The following SIK3 variants were observed in gnomAD, a reference collection of about 807,000 sequenced individuals.
SIK3 encodes the protein SIK family kinase 3.
Under a neutral mutation model 144.2 loss-of-function variants are expected in SIK3, and 28 were observed. The observed-to-expected ratio is 0.19, with a 90% CI of 0.14 to 0.27. SIK3 has a LOEUF of 0.27. Ranked by LOEUF, SIK3 falls within the 10% of genes least tolerant of loss-of-function variation. The probability of loss-of-function intolerance (pLI) is 1.00; values close to 1 mark genes in which losing one functional copy is unlikely to be tolerated. For missense variants in SIK3, 1,319 were observed against 1,776.0 expected (o/e 0.74, Z 4.62); for synonymous variants, 686 against 676.3 (o/e 1.01, Z -0.22).
intron 1 of SIK3, among the ~76,000 whole-genome samples, chr11:117,035,477 C>T (rs1424701073): frequency 2.6e-5 from 4 of 152,122 alleles, no homozygotes; most frequent in Non-Finnish European, 4.4e-5. Context: ...CATTTTAAAG[C>T]TTTGGCTATC....
intron 1 of SIK3, among the ~76,000 whole-genome samples, chr11:117,013,967 C>CCTTTTTTTT (rs756680301): frequency 1.2e-3 from 9 of 7,374 alleles, no homozygotes; most frequent in Admixed American, 2.2e-3. Context: ...TTCTTTTTTT[C>CCTTTTTTTT]TTTTCTTTTT....
chr11:117,055,937 C>T (rs562583804), intron 1 of SIK3, among the ~76,000 whole-genome samples: 1 of 152,314 alleles, frequency 6.6e-6, no homozygotes, highest in African/African-American at 2.4e-5. Flanking sequence ...TGCCAGTGCC[C>T]TCCCAGCCTC....
chr11:117,067,367 A>C (rs1954068667), intron 1 of SIK3, among the ~76,000 whole-genome samples: 1 of 152,208 alleles, frequency 6.6e-6, no homozygotes, highest in Non-Finnish European at 1.5e-5. Context: ...AATAAAAAAC[A>C]ACAAACTCTG....
intron 4 of SIK3, among the ~76,000 whole-genome samples, chr11:116,910,375 G>T (rs2134943502): frequency 6.6e-6 from 1 of 151,682 alleles, no homozygotes; most frequent in African/African-American, 2.4e-5. Context: ...AGTTGACATA[G>T]TTTTAGTAAT....
At chr11:116,969,910 T>C (rs1034327834) in intron 1 of SIK3, among the ~76,000 whole-genome samples, 5 of 152,300 alleles carry the variant, frequency 3.3e-5, no homozygotes, top group Middle Eastern at 6.8e-3. Context: ...ATCTCTAAGA[T>C]ATGTTTGTGA....
intron 1 of SIK3, among the ~76,000 whole-genome samples, chr11:116,969,056 C>T (rs1202528181): frequency 2.6e-5 from 4 of 151,964 alleles, no homozygotes; most frequent in Admixed American, 6.6e-5. Context: ...TTTGGGAGGC[C>T]GAGGCGGGTG....
chr11:116,868,630 C>G (rs1943783531), intron 14 of SIK3, among the ~76,000 whole-genome samples: 2 of 152,194 alleles, frequency 1.3e-5, no homozygotes, highest in Admixed American at 1.3e-4. Context: ...CCCTTTCCCT[C>G]TCGCTTGGTG....
At chr11:116,853,719 G>A (rs1210840261) in intron 21 of SIK3, among the ~76,000 whole-genome samples, 1 of 152,276 alleles carries the variant, frequency 6.6e-6, no homozygotes, top group African/African-American at 2.4e-5. Flanking sequence ...GGCTGACTGA[G>A]CTCAGAGAAG....
In SIK3 at chr11:116,968,334, G is replaced by T. The variant is rs529415315; in HGVS notation, c.274-11270C>A. ...ATTTTTTGTATTTTTAGTAGAGATG[G>T]GGTTTCACCATGCTGGCCAGGCTGG... On this transcript the variant is annotated intron_variant, in intron 1 of 24. Transcript: ENST00000445177. Among the ~76,000 whole-genome samples, 9 of 152,178 alleles carry T rather than the reference G, an allele frequency of 5.9e-5. No individual in the cohort carries two copies. In the East Asian group the frequency reaches 1.4e-3, roughly 23 times the overall value.
chr11:116,971,378 G>A (rs867009383), intron 1 of SIK3, among the ~76,000 whole-genome samples: 1 of 152,140 alleles, frequency 6.6e-6, no homozygotes, highest in Non-Finnish European at 1.5e-5. Flanking sequence ...CAAATTTGAC[G>A]ATGTTTCCAT....
intron 3 of SIK3, among the ~76,000 whole-genome samples, chr11:116,951,056 G>C (rs1361591888): frequency 2.0e-5 from 3 of 152,216 alleles, no homozygotes; most frequent in Non-Finnish European, 4.4e-5. Flanking sequence ...CACTGTGCTA[G>C]AGCTCTATAT....
At chr11:116,951,649 T>C (rs1948942327) in intron 3 of SIK3, among the ~76,000 whole-genome samples, 1 of 152,170 alleles carries the variant, frequency 6.6e-6, no homozygotes, top group Non-Finnish European at 1.5e-5. Flanking sequence ...CTAATACTGC[T>C]TCCTGCTGGG....
chr11:117,062,546 T>C (rs1300810094), intron 1 of SIK3, among the ~76,000 whole-genome samples: 2 of 152,150 alleles, frequency 1.3e-5, no homozygotes, highest in Non-Finnish European at 2.9e-5. Flanking sequence ...ATATGCCTAA[T>C]AGTAACAGAC....
At chr11:116,922,593 C>T (rs910596976) in intron 4 of SIK3, among the ~76,000 whole-genome samples, 1 of 152,088 alleles carries the variant, frequency 6.6e-6, no homozygotes, top group Non-Finnish European at 1.5e-5. Context: ...TTGAGACCAG[C>T]CTAGGCAACA....
chr11:116,861,226 T>C (rs1418613770), intron 19 of SIK3, 48 bp downstream of exon 19: 3 of 1,368,852 alleles, frequency 2.2e-6, no homozygotes, highest in African/African-American at 2.9e-5. Flanking sequence ...CATCATTTTT[T>C]CCCATGTGGC....
rs541899390 is a variant in SIK3 at position 116,891,001 on chromosome 11, G to T, written c.865+5252C>A. 3.9e-5 allele frequency among the ~76,000 whole-genome samples: 6 copies of T among 152,300 alleles called. No homozygotes were observed. The East Asian group carries it at 9.6e-4, about 24-fold the overall frequency. On this transcript the variant is annotated intron_variant, in intron 6 of 24. Transcript: ENST00000445177. ...AGAATAAAATATATTGAAATGCACT[G>T]TACATAGTAAGGTAAGTTTTGCTTT...
intron 1 of SIK3, among the ~76,000 whole-genome samples, chr11:117,026,634 G>A (rs1465586051): frequency 1.3e-5 from 2 of 152,082 alleles, no homozygotes; most frequent in Non-Finnish European, 2.9e-5. Context: ...TGAACCTCCA[G>A]GTCAGATGTA....
chr11:116,944,749 T>C (rs974834946), intron 3 of SIK3, among the ~76,000 whole-genome samples: 6 of 152,208 alleles, frequency 3.9e-5, no homozygotes, highest in African/African-American at 1.4e-4. Context: ...TGAATCCTTC[T>C]AGCTATTTAT....
intron 4 of SIK3, among the ~76,000 whole-genome samples, chr11:116,906,255 T>C (rs904271751): frequency 5.9e-5 from 9 of 152,096 alleles, no homozygotes; most frequent in African/African-American, 2.2e-4. Flanking sequence ...AAACAGAATA[T>C]ATGGGATGAA....
Sources: gnomAD v4.1 joint callset for allele counts (sites outside exome capture counted in the v4.1 genomes callset) on GRCh38, gnomAD v4.1.1 for gene constraint, MANE v1.5 for transcripts, NCBI Gene and HGNC (gene_info 2026-07-23, HGNC 2026-07-21) for gene names.